Variants in COL6A6 observed in about 807,000 individuals in gnomAD.
COL6A6 encodes collagen type VI alpha 6 chain, also known as collagen alpha-6(VI) chain.
COL6A6 carries 183 observed loss-of-function variants against 208.6 expected under a neutral mutation model. The ratio of observed to expected loss-of-function variants is 0.88; its 90% CI spans 0.78 to 0.99. The LOEUF (loss-of-function observed/expected upper bound fraction) is 0.99. Among genes scored for constraint, COL6A6 ranks in the 50% least tolerant of loss-of-function variants. The pLI is 0.00. For missense variants in COL6A6, 2,816 were observed against 2,815.2 expected (o/e 1.00, Z -0.01); for synonymous variants, 973 against 1,011.8 (o/e 0.96, Z 0.73).
intron 28 of COL6A6, among the ~76,000 whole-genome samples, chr3:130,638,491 C>A (rs563821985): frequency 1.4e-4 from 22 of 152,322 alleles, no homozygotes; most frequent in Middle Eastern, 3.4e-3. Context: ...AATTGTCCTT[C>A]ACCTTCACCC....
intron 6 of COL6A6, among the ~76,000 whole-genome samples, chr3:130,570,603 C>G (rs957975663): frequency 6.6e-6 from 1 of 152,140 alleles, no homozygotes; most frequent in African/African-American, 2.4e-5. Flanking sequence ...CCCACTGACT[C>G]CCGCCTTATC....
rs565176301 is a variant in COL6A6, at chr3:130,598,154, A to G, written c.4534-211A>G. Among the ~76,000 whole-genome samples, 6 of 152,248 alleles carry G rather than the reference A, an allele frequency of 3.9e-5. No individual in the cohort carries two copies. The South Asian group carries it at 1.0e-3, about 26-fold the overall frequency. On this transcript the variant is annotated intron_variant, in intron 18 of 36. Coordinates refer to ENST00000358511, the MANE Select transcript of COL6A6 (RefSeq NM_001102608.3). ...TGGAGAGCTCTTTCTCCCCACACAC[A>G]TGCCTTAGGTCTCCGTTCTCTCTCT... is the stretch of plus-strand genomic sequence containing the variant.
At chr3:130,663,546 A>AT (rs2108466610) in intron 35 of COL6A6, among the ~76,000 whole-genome samples, 2 of 152,310 alleles carry the variant, frequency 1.3e-5, no homozygotes, top group South Asian at 4.1e-4. Flanking sequence ...ATCATAAGGC[A>AT]TTTGTAAGGG....
rs1559999816 is a variant in COL6A6 at position 130,566,869 on chromosome 3, T to A, written c.1450T>A (p.Trp484Arg). The change falls in exon 5 of 37, where the codon TGG (tryptophan) becomes AGG (arginine). Residue 484 changes from tryptophan to arginine, a missense_variant. Coordinates refer to ENST00000358511, the MANE Select transcript of COL6A6 (RefSeq NM_001102608.3). ...TGGGGCCGTTCAGTATGCTGACAGC[T>A]GGGACTTGGAATTTGAGATCAATAA... ...RVGAVQYADS[W>R]DLEFEINKYS... The A allele has an allele frequency of 6.2e-7, 1 of 1,613,988 alleles. No homozygotes were observed.
intron 7 of COL6A6, 30 bp from the exon 8 acceptor site, chr3:130,573,926 G>C (rs1358024594): frequency 6.8e-7 from 1 of 1,462,424 alleles, no homozygotes; most frequent in Admixed American, 1.8e-5. Flanking sequence ...AACAATCTGG[G>C]TTTTCTGTTG....
chr3:130,567,361 A>G (rs1376480242), intron 5 of COL6A6, 99 bp downstream of exon 5: 1 of 932,614 alleles, frequency 1.1e-6, no homozygotes, highest in Admixed American at 2.8e-5. Context: ...ATAAATTACT[A>G]AGTTGAGATT....
chr3:130,665,295 CTTTT>C (rs149597952), intron 36 of COL6A6, among the ~76,000 whole-genome samples, 199 bp downstream of exon 36: 3 of 146,990 alleles, frequency 2.0e-5, no homozygotes, highest in Non-Finnish European at 3.0e-5. Flanking sequence ...AAACAAATTG[CTTTT>C]TTTTTTAATG....
In COL6A6 at chr3:130,570,937, G is replaced by A. The variant is rs1020885047; in HGVS notation, c.2521G>A (p.Val841Met). Residue 841 changes from valine (V) to methionine (M), a missense_variant, in exon 7 of 37, where the codon GTG becomes ATG. Transcript: ENST00000358511. Reference sequence around the variant, plus strand: ...GATTGGCTTAGTGAAAAAAGCTGATGTGGGCAAGAATCAGGTCCGGTTTGG... The same window carrying A: ...GATTGGCTTAGTGAAAAAAGCTGATATGGGCAAGAATCAGGTCCGGTTTGG... Reference protein sequence around the residue: ...FMIGLVKKADVGKNQVRFGAL... With the variant: ...FMIGLVKKADMGKNQVRFGAL... The A allele has an allele frequency of 6.2e-7, 1 of 1,613,916 alleles. No individual in the cohort carries two copies. Among genetic ancestry groups the A allele is most frequent in the African/African-American group, 1.3e-5 (1 of 74,932 alleles).
chr3:130,561,798 G>C (rs1294811888), intron 2 of COL6A6, among the ~76,000 whole-genome samples: 1 of 151,160 alleles, frequency 6.6e-6, no homozygotes, highest in Admixed American at 6.6e-5. Context: ...GACTACAGGC[G>C]CCCGCCACCG....
intron 8 of COL6A6, among the ~76,000 whole-genome samples, chr3:130,578,503 C>T (rs2063345777): frequency 6.6e-6 from 1 of 152,002 alleles, no homozygotes; most frequent in Non-Finnish European, 1.5e-5. Context: ...TAGTATGTTA[C>T]CAAGTTAGCC....
chr3:130,566,038 G>T (rs192726892), intron 4 of COL6A6, among the ~76,000 whole-genome samples: 32 of 152,242 alleles, frequency 2.1e-4, no homozygotes, highest in Non-Finnish European at 4.1e-4. Flanking sequence ...ACAGGAGTGT[G>T]ATTTGAATGA....
intron 1 of COL6A6, among the ~76,000 whole-genome samples, chr3:130,547,373 C>T (rs549172644): frequency 1.4e-4 from 21 of 152,358 alleles, no homozygotes; most frequent in East Asian, 7.7e-4. Flanking sequence ...CCCGCTGAGG[C>T]GGCACCCACT....
intron 36 of COL6A6, among the ~76,000 whole-genome samples, chr3:130,674,796 C>T (rs1467135644): frequency 6.6e-6 from 1 of 152,098 alleles, no homozygotes; most frequent in Admixed American, 6.6e-5. Context: ...AATAAAAGTT[C>T]AGATAGTGCC....
intron 23 of COL6A6, among the ~76,000 whole-genome samples, chr3:130,615,799 C>T (rs893522094): frequency 6.6e-6 from 1 of 152,044 alleles, no homozygotes; most frequent in Non-Finnish European, 1.5e-5. Context: ...GGTGGAAATC[C>T]AAAATCTTGG....
intron 11 of COL6A6, among the ~76,000 whole-genome samples, chr3:130,587,074 T>G (rs2063559265): frequency 6.6e-6 from 1 of 152,102 alleles, no homozygotes; most frequent in Non-Finnish European, 1.5e-5. Context: ...GTAATTCTAG[T>G]GTTTAAGATG....
chr3:130,527,890 CTTTTTTTTT>C (rs56110472), intron 1 of COL6A6, among the ~76,000 whole-genome samples: 1,303 of 57,930 alleles, frequency 0.022, 23 homozygotes, highest in South Asian at 0.039. Flanking sequence ...GTTACTTTTC[CTTTTTTTTT>C]TTTTTTTTTT....
intron 18 of COL6A6, among the ~76,000 whole-genome samples, chr3:130,595,951 A>C (rs1156309390): frequency 2.6e-5 from 4 of 152,248 alleles, no homozygotes; most frequent in African/African-American, 7.2e-5. Flanking sequence ...CACACTCATC[A>C]GAATGGTTAC....
At chr3:130,564,160 G>T (rs957784110) in intron 3 of COL6A6, among the ~76,000 whole-genome samples, 3 of 152,180 alleles carry the variant, frequency 2.0e-5, no homozygotes, top group African/African-American at 7.2e-5. Flanking sequence ...TGGCCCAGGG[G>T]CCAGGCTGTG....
At chr3:130,549,701 A>G (rs2062599612) in intron 1 of COL6A6, among the ~76,000 whole-genome samples, 1 of 152,068 alleles carries the variant, frequency 6.6e-6, no homozygotes, top group Non-Finnish European at 1.5e-5. Flanking sequence ...AGATGGTTGT[A>G]GGTGTGCAGC....
Sources: gnomAD v4.1 joint callset for allele counts (sites outside exome capture counted in the v4.1 genomes callset) on GRCh38, gnomAD v4.1.1 for gene constraint, MANE v1.5 for transcripts, NCBI Gene and HGNC (gene_info 2026-07-23, HGNC 2026-07-21) for gene names.